Variants in CNTNAP3 observed in about 807,000 individuals in gnomAD.
The protein encoded by CNTNAP3 is contactin associated protein family member 3, also known as contactin-associated protein-like 3.
Under a neutral mutation model 92.1 loss-of-function variants are expected in CNTNAP3, and 36 were observed. The ratio of observed to expected loss-of-function variants is 0.39; its 90% confidence interval spans 0.30 to 0.52. The LOEUF is 0.52. CNTNAP3 is among the 20% of genes least tolerant of loss of function. The pLI is 0.76. For missense variants in CNTNAP3, 534 were observed against 1,069.6 expected (o/e 0.50, Z 6.98); for synonymous variants, 232 against 422.3 (o/e 0.55, Z 5.53).
chr9:39,087,493 G>C (rs28689195), intron 19 of CNTNAP3, among the ~76,000 whole-genome samples: 1 of 137,878 alleles, frequency 7.3e-6, no homozygotes, highest in Admixed American at 7.2e-5. Context: ...TTTTTTTTTT[G>C]TTTGTTTGTT....
chr9:39,150,914 G>C (rs996524458), intron 9 of CNTNAP3, among the ~76,000 whole-genome samples: 1 of 141,072 alleles, frequency 7.1e-6, no homozygotes, highest in East Asian at 2.1e-4. Context: ...GACGTAAGCA[G>C]TATTACTCCA....
rs764758938 is a variant in CNTNAP3, at chr9:39,123,244, G to A, written c.2081-4985C>T. ...CGAGTAGCTGGGACTACAGGCGCCC[G>A]CCACCACGCCCGGCTAATTTTTTGT... On this transcript the variant is annotated intron_variant, in intron 13 of 23. Transcript: ENST00000297668. 1.6e-3 allele frequency among the ~76,000 whole-genome samples: 249 copies of A among 151,888 alleles called. 2 individuals are homozygous for A. The highest frequency in any genetic ancestry group is 2.7e-3 in the Non-Finnish European group (185 of 67,940).
At chr9:39,128,718 T>A (rs1821206573) in intron 13 of CNTNAP3, among the ~76,000 whole-genome samples, 1 of 151,772 alleles carries the variant, frequency 6.6e-6, no homozygotes, top group African/African-American at 2.4e-5. Flanking sequence ...CCCTACAGAT[T>A]GACGAGGCAG....
At chr9:39,102,139 G>C (rs551410118) in intron 17 of CNTNAP3, among the ~76,000 whole-genome samples, 1 of 152,242 alleles carries the variant, frequency 6.6e-6, no homozygotes, top group African/African-American at 2.4e-5. Context: ...TTAGCCAGGC[G>C]TGGTGGCACC....
At chr9:39,119,176 G>C (rs4961899) in intron 13 of CNTNAP3, among the ~76,000 whole-genome samples, 148,387 of 152,204 alleles carry the variant, frequency 0.97, 72,456 homozygotes, top group East Asian at 1. Context: ...GTTTTTTAAA[G>C]ATGCTTGATC....
chr9:39,112,205 T>G (rs1160248354), intron 14 of CNTNAP3, among the ~76,000 whole-genome samples: 1 of 151,762 alleles, frequency 6.6e-6, no homozygotes, highest in African/African-American at 2.4e-5. Context: ...TTATTAGAAA[T>G]TCCTACGGTT....
chr9:39,133,094 C>T lies in CNTNAP3; in HGVS notation c.1918G>A (p.Ala640Thr). The stretch of plus-strand genomic sequence containing the variant: ...CTGGGGGCACCTCGGAGGGTCACCG[C>T]GTCGGGGCCACCGTGCTGCACCACC... ...WTVVQHGGPD[A>T]VTLRGAPSGH... The change falls in exon 13 of 24, where the codon GCG becomes ACG. Residue 640 changes from alanine to threonine, a missense_variant. Transcript: ENST00000297668. The T allele has an allele frequency of 4.5e-6, 7 of 1,571,786 alleles. No individual in the cohort carries two copies. The African/African-American group carries it at 6.7e-5, about 15-fold the overall frequency.
chr9:39,271,921 GTT>G (rs1173998046), intron 1 of CNTNAP3, among the ~76,000 whole-genome samples: 1 of 11,828 alleles, frequency 8.5e-5, no homozygotes, highest in African/African-American at 2.3e-4. Context: ...AGTTTACATA[GTT>G]TTTTTTTTTT....
intron 15 of CNTNAP3, among the ~76,000 whole-genome samples, chr9:39,104,175 C>A (rs1363422713): frequency 1.3e-5 from 2 of 152,008 alleles, no homozygotes; most frequent in Non-Finnish European, 2.9e-5. Context: ...GGGGATCGCG[C>A]AGCAACACAG....
In CNTNAP3 at chr9:39,147,990, CTT is replaced by C. The variant is rs1238281297; in HGVS notation, c.1649+1814_1649+1815del. ...TTGCATCACAGTTGAGCTGACAGCT[CTT>C]GTCACTCACAGTGTGGGCCCATGGG... On this transcript the variant is annotated intron_variant, in intron 10 of 23. Transcript: ENST00000297668. 2.0e-5 allele frequency among the ~76,000 whole-genome samples: 3 copies of C among 148,358 alleles called. No homozygotes were observed. The East Asian group carries it at 6.1e-4, about 30-fold the overall frequency.
rs956465968 is a variant in CNTNAP3 at position 39,071,295 on chromosome 9, A to AGTT, written c.*2592_*2594dup. Among the ~76,000 whole-genome samples the AGTT allele has an allele frequency of 6.7e-6, 1 of 150,292 alleles. No individual in the cohort carries two copies. Among genetic ancestry groups the AGTT allele is most frequent in the Non-Finnish European group, 1.5e-5 (1 of 67,786 alleles). On this transcript the variant is annotated 3_prime_UTR_variant, in exon 24 of 24. Transcript: ENST00000297668. ...TAGTAACTACTATCAAAGTATGTTAAGTTTATGCCGTAATAATGACTTTTA... is the reference window on the plus strand; with the variant it reads ...TAGTAACTACTATCAAAGTATGTTAAGTTGTTTATGCCGTAATAATGACTTTTA...
Position 39,214,084 on chromosome 9 carries a change from T to C in CNTNAP3, c.391-20809A>G, listed in dbSNP as rs1185921887. Among the ~76,000 whole-genome samples, 2 of 62,044 alleles carry C rather than the reference T, an allele frequency of 3.2e-5. 1 individual carries two copies. Among genetic ancestry groups the C allele is most frequent in the Admixed American group, 4.1e-4 (2 of 4,894 alleles). The allele number at this position is 62,044 out of a possible 152,430, so 40.7% of individuals were successfully genotyped here. A position where few individuals can be genotyped will look rare whatever the true frequency, so the allele number is the denominator to read the frequency against. ...TGAAAGAAAGACAAGCCATTTGATA[T>C]GAATGATTAATAAGGACATTAAGGA... On this transcript the variant is annotated intron_variant, in intron 3 of 23. Transcript: ENST00000297668.
rs574434069 is a variant in CNTNAP3, at chr9:39,111,246, T to C, written c.2238-1959A>G. Among the ~76,000 whole-genome samples, 417 of 152,302 alleles carry C rather than the reference T, an allele frequency of 2.7e-3. 1 individual carries two copies. The highest frequency in any genetic ancestry group is 5.0e-3 in the Non-Finnish European group (339 of 67,994). Reference sequence around the variant, plus strand: ...AAATTACTGTTAACTATAATTTCTCTAGTTCTATCAAATACTAGAATTTCT... The same window carrying C: ...AAATTACTGTTAACTATAATTTCTCCAGTTCTATCAAATACTAGAATTTCT... On this transcript the variant is annotated intron_variant, in intron 14 of 23. Transcript: ENST00000297668.
chr9:39,179,340 C>G (rs1292467808), intron 4 of CNTNAP3, among the ~76,000 whole-genome samples: 12 of 109,266 alleles, frequency 1.1e-4, no homozygotes, highest in African/African-American at 4.2e-4. Context: ...CACACACACA[C>G]AGGCACACAG....
chr9:39,127,736 A>C (rs984369638), intron 13 of CNTNAP3, among the ~76,000 whole-genome samples: 1 of 152,244 alleles, frequency 6.6e-6, no homozygotes, highest in African/African-American at 2.4e-5. Context: ...TAATTTAAGT[A>C]ATTGTAACTA....
rs1825596119 is a variant in CNTNAP3, at chr9:39,069,661, C to T, written c.*4229G>A. Among the ~76,000 whole-genome samples, 1 of 152,308 alleles carries T rather than the reference C, an allele frequency of 6.6e-6. No individual in the cohort carries two copies. Among genetic ancestry groups the T allele is most frequent in the African/African-American group, 2.4e-5 (1 of 41,488 alleles). On this transcript the variant is annotated 3_prime_UTR_variant, in exon 24 of 24. Transcript: ENST00000297668. ...ACATTTTCCCGACGATATGATTAATCCATAATAAATTCTGCTACTACTCCT... is the reference window on the plus strand; with the variant it reads ...ACATTTTCCCGACGATATGATTAATTCATAATAAATTCTGCTACTACTCCT...
intron 13 of CNTNAP3, among the ~76,000 whole-genome samples, chr9:39,120,700 T>C (rs1479796406): frequency 6.6e-6 from 1 of 152,114 alleles, no homozygotes; most frequent in Non-Finnish European, 1.5e-5. Flanking sequence ...AAAACCTTTT[T>C]AACACAAAAG....
At position 39,068,519 on chromosome 9, in the gene CNTNAP3, T is replaced by C. The variant is rs2118330722; in HGVS notation, c.*5371A>G. Among the ~76,000 whole-genome samples the C allele has an allele frequency of 6.6e-6, 1 of 152,312 alleles. No homozygotes were observed. The highest frequency in any genetic ancestry group is 1.9e-4 in the East Asian group (1 of 5,208). On this transcript the variant is annotated 3_prime_UTR_variant, in exon 24 of 24. Coordinates refer to ENST00000297668, the MANE Select transcript of CNTNAP3 (RefSeq NM_033655.5). Reference sequence around the variant, plus strand: ...AGATTCCTTGAGGTCAATAATAATTTTTTAAAGGTTGATAAATGCCGCTGT... The same window carrying C: ...AGATTCCTTGAGGTCAATAATAATTCTTTAAAGGTTGATAAATGCCGCTGT...
chr9:39,110,623 C>G (rs1409841280), intron 14 of CNTNAP3, among the ~76,000 whole-genome samples: 2 of 152,034 alleles, frequency 1.3e-5, no homozygotes, highest in African/African-American at 4.8e-5. Context: ...CCTAGGGGAA[C>G]CTGGGGTCCT....
Sources: gnomAD v4.1 joint callset for allele counts (sites outside exome capture counted in the v4.1 genomes callset) on GRCh38, gnomAD v4.1.1 for gene constraint, MANE v1.5 for transcripts, NCBI Gene and HGNC (gene_info 2026-07-23, HGNC 2026-07-21) for gene names.